CNNM2: variants seen among roughly 807,000 people sequenced by gnomAD.
CNNM2 encodes the protein metal transporter CNNM2.
A neutral mutation model predicts 66.9 loss-of-function variants in CNNM2; 12 were observed. The ratio of observed to expected loss-of-function variants is 0.18; its 90% CI spans 0.11 to 0.29. CNNM2 has a LOEUF of 0.29. Ranked by LOEUF, CNNM2 falls within the 10% of genes least tolerant of loss-of-function variation. CNNM2 has a pLI of 1.00. For synonymous variants in CNNM2, 557 were observed against 501.8 expected (o/e 1.11, Z -1.47); for missense variants, 705 against 1,167.7 (o/e 0.60, Z 5.77).
At chr10:103,026,661 T>A (rs1413205099) in intron 1 of CNNM2, among the ~76,000 whole-genome samples, 1 of 146,050 alleles carries the variant, frequency 6.8e-6, no homozygotes. Flanking sequence ...CTTAGTAAAA[T>A]TTCTACTTAA....
At chr10:103,029,371 G>A (rs572907790) in intron 1 of CNNM2, among the ~76,000 whole-genome samples, 1 of 151,822 alleles carries the variant, frequency 6.6e-6, no homozygotes, top group Non-Finnish European at 1.5e-5. Flanking sequence ...AGGAGGCTGA[G>A]GAGAATCACT....
chr10:103,024,012 TAAGAA>T (rs1477144913), intron 1 of CNNM2, among the ~76,000 whole-genome samples: 5 of 152,176 alleles, frequency 3.3e-5, no homozygotes, highest in Admixed American at 3.3e-4. Context: ...TCATCACTCT[TAAGAA>T]AATTAGGGTA....
chr10:103,041,321 TATTC>T (rs1383073575), intron 1 of CNNM2, among the ~76,000 whole-genome samples: 1 of 152,210 alleles, frequency 6.6e-6, no homozygotes, highest in Non-Finnish European at 1.5e-5. Context: ...TGTGTGTACC[TATTC>T]ATTCATTCAT....
intron 1 of CNNM2, among the ~76,000 whole-genome samples, chr10:103,012,915 C>T (rs2064373159): frequency 6.6e-6 from 1 of 152,158 alleles, no homozygotes; most frequent in African/African-American, 2.4e-5. Flanking sequence ...CCTTCTCTTT[C>T]CTTTTCCTAT....
In CNNM2 at chr10:103,079,390, C is replaced by T. The variant is rs2065734188; in HGVS notation, c.*2210C>T. ...GCCTCAGGAACTCTGCCCTGTCAAC[C>T]TATCTGGGCTCACGTCTGCTTCTCC... is the stretch of plus-strand genomic sequence containing the variant. On this transcript the variant is annotated 3_prime_UTR_variant, in exon 8 of 8. Coordinates refer to ENST00000369878, the MANE Select transcript of CNNM2 (RefSeq NM_017649.5). 1 of 152,338 alleles carries T rather than the reference C, an allele frequency of 6.6e-6. No homozygotes were observed. Among genetic ancestry groups the T allele is most frequent in the South Asian group, 2.1e-4 (1 of 4,822 alleles). 9.4% of individuals were successfully genotyped at this position (152,338 alleles called of 1,614,324 possible). A position where few individuals can be genotyped will look rare whatever the true frequency, so the allele number is the denominator to read the frequency against.
chr10:102,961,826 T>C (rs2063384259), intron 1 of CNNM2, among the ~76,000 whole-genome samples: 1 of 151,956 alleles, frequency 6.6e-6, no homozygotes, highest in Non-Finnish European at 1.5e-5. Flanking sequence ...TTTGAGAGGC[T>C]GAGGCAGGAG....
At position 103,090,129 on chromosome 10, in the gene CNNM2, A is replaced by C. The variant is rs976592206; in HGVS notation, c.*12949A>C. On this transcript the variant is annotated 3_prime_UTR_variant, in exon 8 of 8. Transcript: ENST00000369878. ...GCCCATATTGTCTACTGCAGCTGGA[A>C]ATTGGAAAAGATGGAGAGGGGAGTT... 4.5e-6 allele frequency: 2 copies of C among 444,894 alleles called. No homozygotes were observed. Among genetic ancestry groups the C allele is most frequent in the Non-Finnish European group, 7.9e-6 (2 of 253,630 alleles). The allele number at this position is 444,894 out of a possible 1,614,324, so 27.6% of individuals were successfully genotyped here.
chr10:103,050,723 GTTCTCTGC>G (rs2065201096), intron 2 of CNNM2, among the ~76,000 whole-genome samples: 1 of 152,078 alleles, frequency 6.6e-6, no homozygotes, highest in Non-Finnish European at 1.5e-5. Flanking sequence ...TGTTTTTCCT[GTTCTCTGC>G]TTCTCTGCTT....
intron 1 of CNNM2, among the ~76,000 whole-genome samples, chr10:102,954,372 G>A (rs1307960321): frequency 1.3e-5 from 2 of 150,828 alleles, no homozygotes; most frequent in Admixed American, 1.3e-4. Flanking sequence ...TCCCACTTTG[G>A]TCTCCCAAAA....
intron 1 of CNNM2, among the ~76,000 whole-genome samples, chr10:102,924,264 T>C (rs1054248397): frequency 2.0e-5 from 3 of 152,238 alleles, no homozygotes; most frequent in Non-Finnish European, 4.4e-5. Context: ...TCACAAAAGA[T>C]TGGGCCACCA....
chr10:102,983,163 T>G (rs887816820), intron 1 of CNNM2, among the ~76,000 whole-genome samples: 2 of 151,858 alleles, frequency 1.3e-5, no homozygotes, highest in African/African-American at 4.8e-5. Context: ...AAAAAAGACC[T>G]TGCTCAGGTG....
chr10:102,991,808 C>A (rs1029707408), intron 1 of CNNM2, among the ~76,000 whole-genome samples: 6 of 152,146 alleles, frequency 3.9e-5, no homozygotes, highest in Non-Finnish European at 8.8e-5. Context: ...TAAATAGATG[C>A]TTCTAAGTGC....
chr10:102,925,797 A>G (rs894277084), intron 1 of CNNM2, among the ~76,000 whole-genome samples: 8 of 152,318 alleles, frequency 5.3e-5, no homozygotes, highest in African/African-American at 1.4e-4. Context: ...AAATAAGTCC[A>G]AGTGTGTGAG....
At chr10:102,983,423 A>C (rs2063748645) in intron 1 of CNNM2, among the ~76,000 whole-genome samples, 2 of 147,344 alleles carry the variant, frequency 1.4e-5, no homozygotes. Context: ...GCACTTTGGG[A>C]GGCCAAGTCG....
intron 3 of CNNM2, among the ~76,000 whole-genome samples, chr10:103,055,693 T>C (rs909714537): frequency 1.3e-5 from 2 of 152,268 alleles, no homozygotes; most frequent in African/African-American, 4.8e-5. Flanking sequence ...ATACAGAACT[T>C]ACAGCTTTCA....
At chr10:103,022,021 T>TTTA (rs1406239488) in intron 1 of CNNM2, among the ~76,000 whole-genome samples, 1 of 152,184 alleles carries the variant, frequency 6.6e-6, no homozygotes, top group African/African-American at 2.4e-5. Context: ...GATGAATGTG[T>TTTA]TTAAGTGAGA....
rs1279739394 is a variant in CNNM2 at position 102,919,959 on chromosome 10, C to T, written c.1479C>T (p.Asp493=). 1.2e-6 allele frequency: 2 copies of T among 1,614,108 alleles called. No homozygotes were observed. Among genetic ancestry groups the T allele is most frequent in the African/African-American group, 1.3e-5 (1 of 74,932 alleles). Residue 493 remains aspartate, a synonymous_variant, in exon 1 of 8, where the codon GAC becomes GAT. Transcript: ENST00000369878. ...VFEGERSNIV[D]LLFVKDLAFV... is the part of the protein sequence containing the mutation. ...AAGGGGAGCGCTCCAATATCGTGGACCTGCTGTTTGTCAAAGACTTGGCCT... is the reference window on the plus strand; with the variant it reads ...AAGGGGAGCGCTCCAATATCGTGGATCTGCTGTTTGTCAAAGACTTGGCCT...
At chr10:103,060,378 G>A (rs1312675764) in intron 4 of CNNM2, among the ~76,000 whole-genome samples, 1 of 152,104 alleles carries the variant, frequency 6.6e-6, no homozygotes, top group Non-Finnish European at 1.5e-5. Flanking sequence ...CCTGGGCAAT[G>A]TGGTGAAACC....
intron 1 of CNNM2, among the ~76,000 whole-genome samples, chr10:103,034,854 T>A (rs1323702147): frequency 6.6e-6 from 1 of 151,508 alleles, no homozygotes; most frequent in Admixed American, 6.6e-5. Context: ...TAGTCCCAGC[T>A]ACTCGGGAGG....
Sources: gnomAD v4.1 joint callset for allele counts (sites outside exome capture counted in the v4.1 genomes callset) on GRCh38, gnomAD v4.1.1 for gene constraint, MANE v1.5 for transcripts, NCBI Gene and HGNC (gene_info 2026-07-23, HGNC 2026-07-21) for gene names.